Variants in NEK11 observed in about 807,000 individuals in gnomAD.
NEK11 encodes serine/threonine-protein kinase Nek11.
In NEK11, 72 loss-of-function variants were observed where a neutral mutation model predicts 80.7. The observed-to-expected ratio is 0.89, with a 90% CI of 0.74 to 1.08. NEK11 has a LOEUF of 1.08. Among genes scored for constraint, NEK11 ranks in the 50% least tolerant of loss-of-function variants. NEK11 has a pLI of 0.00. For synonymous variants in NEK11, 251 were observed against 260.7 expected (o/e 0.96, Z 0.36); for missense variants, 764 against 763.6 (o/e 1.00, Z -0.01).
intron 14 of NEK11, among the ~76,000 whole-genome samples, chr3:131,185,770 A>G (rs2093573603): frequency 6.6e-6 from 1 of 152,160 alleles, no homozygotes; most frequent in South Asian, 2.1e-4. Flanking sequence ...TGTACCTCCA[A>G]TATGTTCAAA....
At chr3:131,216,906 C>T (rs2094856352) in intron 14 of NEK11, among the ~76,000 whole-genome samples, 1 of 152,210 alleles carries the variant, frequency 6.6e-6, no homozygotes, top group Non-Finnish European at 1.5e-5. Flanking sequence ...AGAGATGCAG[C>T]AGCCATTTGG....
intron 7 of NEK11, among the ~76,000 whole-genome samples, chr3:131,144,609 A>T (rs2087738490): frequency 1.3e-5 from 2 of 152,154 alleles, no homozygotes; most frequent in Admixed American, 1.3e-4. Flanking sequence ...AGTGATTTGC[A>T]TGTATGTTAA....
chr3:131,271,688 G>A (rs1353373605), intron 16 of NEK11, among the ~76,000 whole-genome samples: 1 of 151,864 alleles, frequency 6.6e-6, no homozygotes, highest in Non-Finnish European at 1.5e-5. Context: ...CCAGCTACTT[G>A]GGAGGCTGAG....
intron 17 of NEK11, among the ~76,000 whole-genome samples, chr3:131,344,708 G>A (rs1168259132): frequency 2.0e-5 from 3 of 152,192 alleles, no homozygotes; most frequent in African/African-American, 7.2e-5. Flanking sequence ...GCCTTAGCGA[G>A]CTTTTACTTA....
intron 14 of NEK11, chr3:131,175,203 T>G (rs959462245): frequency 1.3e-6 from 1 of 771,000 alleles, no homozygotes; most frequent in Admixed American, 6.2e-5. Context: ...AATTCCACTT[T>G]TAGATAGTTA....
intron 3 of NEK11, among the ~76,000 whole-genome samples, chr3:131,035,829 A>G (rs1019463153): frequency 6.6e-6 from 1 of 152,220 alleles, no homozygotes; most frequent in Non-Finnish European, 1.5e-5. Flanking sequence ...GGTCTCTTCT[A>G]AGAACTTGAC....
intron 13 of NEK11, among the ~76,000 whole-genome samples, chr3:131,170,231 C>T (rs750358243): frequency 6.6e-6 from 1 of 152,138 alleles, no homozygotes; most frequent in Non-Finnish European, 1.5e-5. Context: ...TCTTGAAATA[C>T]CTATTGATTT....
chr3:131,270,822 T>G (rs2096169433), intron 16 of NEK11, among the ~76,000 whole-genome samples: 1 of 152,146 alleles, frequency 6.6e-6, no homozygotes, highest in Admixed American at 6.5e-5. Flanking sequence ...GCTTTGACCT[T>G]TATTTGCATA....
intron 17 of NEK11, among the ~76,000 whole-genome samples, chr3:131,288,165 G>A (rs2096496071): frequency 6.6e-6 from 1 of 152,146 alleles, no homozygotes; most frequent in Non-Finnish European, 1.5e-5. Context: ...TCCTGAGTGT[G>A]TTCTGATTTC....
chr3:131,218,839 A>T (rs1416303455), intron 14 of NEK11, among the ~76,000 whole-genome samples: 1 of 152,196 alleles, frequency 6.6e-6, no homozygotes, highest in Non-Finnish European at 1.5e-5. Context: ...TGTTGGTCAC[A>T]TAAATGTCTT....
At chr3:131,346,926 A>G (rs1202799300) in intron 17 of NEK11, among the ~76,000 whole-genome samples, 1 of 152,230 alleles carries the variant, frequency 6.6e-6, no homozygotes, top group Non-Finnish European at 1.5e-5. Context: ...GGCAGTTCAA[A>G]ACCAGAGACA....
At chr3:131,265,908 T>C (rs189938329) in intron 16 of NEK11, among the ~76,000 whole-genome samples, 42 of 152,360 alleles carry the variant, frequency 2.8e-4, no homozygotes, top group African/African-American at 9.9e-4. Context: ...TCTTGGTCTA[T>C]TCAGGGATTT....
chr3:131,129,662 ATATGAATGCCCAG>A (rs1281061107), intron 5 of NEK11, among the ~76,000 whole-genome samples: 1 of 152,230 alleles, frequency 6.6e-6, no homozygotes, highest in Non-Finnish European at 1.5e-5. Context: ...CATCTATTGT[ATATGAATGCCCAG>A]TTGTTCCAGC....
intron 14 of NEK11, among the ~76,000 whole-genome samples, chr3:131,221,084 T>C (rs1306378887): frequency 6.6e-6 from 1 of 152,142 alleles, no homozygotes; most frequent in East Asian, 1.9e-4. Flanking sequence ...TCTTTGTATA[T>C]GATATTATGT....
intron 5 of NEK11, among the ~76,000 whole-genome samples, chr3:131,119,353 G>A (rs528480831): frequency 9.9e-5 from 15 of 152,212 alleles, no homozygotes; most frequent in African/African-American, 3.6e-4. Context: ...TATAATTTCT[G>A]TTCTTTTACG....
rs371195734 is a variant in NEK11 at position 131,165,493 on chromosome 3, C to G, written c.1150C>G (p.Gln384Glu). 3.0e-5 allele frequency: 49 copies of G among 1,612,300 alleles called. No individual in the cohort carries two copies. In the South Asian group the frequency reaches 4.5e-4, roughly 15 times the overall value. Residue 384 changes from glutamine to glutamate, a missense_variant, in exon 12 of 18, where the codon CAG becomes GAG. Physicochemically the swap from Gln to Glu is conservative, Grantham distance 29 (BLOSUM62 2). Transcript: ENST00000383366. The part of the protein sequence containing the change: ...RMQELRSRNF[Q>E]QLSVDVLHEK... The stretch of plus-strand genomic sequence containing the variant: ...GCAAGAATTGAGATCTCGGAACTTT[C>G]AGCAGCTGAGTGTTGATGTACTCCA...
At chr3:131,032,003 C>T (rs549253937) in intron 3 of NEK11, among the ~76,000 whole-genome samples, 143 of 151,698 alleles carry the variant, frequency 9.4e-4, no homozygotes, top group African/African-American at 3.4e-3. Context: ...ACTCTGTCTC[C>T]CAGGCTGAAG....
chr3:131,222,313 A>G (rs1449245815), intron 14 of NEK11, among the ~76,000 whole-genome samples: 1 of 152,198 alleles, frequency 6.6e-6, no homozygotes, highest in African/African-American at 2.4e-5. Context: ...TCTAGTCTAC[A>G]TTGAAGAGTT....
chr3:131,183,068 G>A (rs1026049605), intron 14 of NEK11, among the ~76,000 whole-genome samples: 1 of 152,150 alleles, frequency 6.6e-6, no homozygotes, highest in Admixed American at 6.5e-5. Context: ...TTTTGAACAG[G>A]ACCAACCTTT....
Sources: gnomAD v4.1 joint callset for allele counts (sites outside exome capture counted in the v4.1 genomes callset) on GRCh38, gnomAD v4.1.1 for gene constraint, MANE v1.5 for transcripts, NCBI Gene and HGNC (gene_info 2026-07-23, HGNC 2026-07-21) for gene names.